TMEM132A: variants seen among roughly 807,000 people sequenced by gnomAD.
TMEM132A encodes the protein GRP78-binding protein.
In TMEM132A, 48 loss-of-function variants were observed where a neutral mutation model predicts 69.9. That is an observed-to-expected ratio of 0.69 (90% CI 0.55 to 0.87). The LOEUF (loss-of-function observed/expected upper bound fraction) is 0.87, where lower values mean the gene tolerates loss of function less well. Ranked by LOEUF, TMEM132A falls within the 40% of genes least tolerant of loss-of-function variation. The pLI, the probability that TMEM132A is intolerant of heterozygous loss-of-function variation, is 0.00. For synonymous variants in TMEM132A, 577 were observed against 613.7 expected (o/e 0.94, Z 0.88); for missense variants, 1,287 against 1,407.2 (o/e 0.91, Z 1.37).
intron 3 of TMEM132A, 105 bp from the exon 4 acceptor site, chr11:60,928,524 T>C: frequency 8.9e-7 from 1 of 1,119,684 alleles, no homozygotes; most frequent in Non-Finnish European, 1.3e-6. Context: ...GGGCCTCCCT[T>C]TCATGAGCCC....
At position 60,934,592 on chromosome 11, in the gene TMEM132A, C is replaced by T. The variant is rs764720498; in HGVS notation, c.1664C>T (p.Ala555Val). Residue 555 changes from alanine to valine, a missense_variant, in exon 9 of 11, where the codon GCG (alanine) becomes GTG (valine). Transcript: ENST00000453848. ...GGTGTGCGCTTCCTCGCCCCCTTCG[C>T]GGCCCACCCGCTGGACGGCGGCCGC... is the stretch of plus-strand genomic sequence containing the variant. ...RAGVRFLAPF[A>V]AHPLDGGRRL... is the part of the protein sequence containing the mutation. 5.9e-5 allele frequency: 92 copies of T among 1,564,860 alleles called. No homozygotes were observed. The highest frequency in any genetic ancestry group is 7.3e-5 in the Non-Finnish European group (85 of 1,164,320).
In TMEM132A at chr11:60,934,747, G is replaced by T. The variant is rs1335624739; in HGVS notation, c.1819G>T (p.Gly607Cys). 2 of 1,603,344 alleles carry T rather than the reference G, an allele frequency of 1.2e-6. No individual in the cohort carries two copies. The highest frequency in any genetic ancestry group is 1.7e-6 in the Non-Finnish European group (2 of 1,175,306). Residue 607 changes from glycine to cysteine, a missense_variant, in exon 9 of 11, where the codon GGT (glycine) becomes TGT (cysteine). Gly to Cys is a radical substitution (Grantham distance 159). Transcript: ENST00000453848. Reference protein sequence around the residue: ...GGRVVVGREPGVTSIEVRSPL... With the variant: ...GGRVVVGREPCVTSIEVRSPL... ...CCGTGTCGTGGTGGGCCGGGAGCCC[G>T]GTGTCACCTCCATTGAGGTAAGCAG...
chr11:60,929,686 G>T (rs960383273), intron 4 of TMEM132A, among the ~76,000 whole-genome samples: 2 of 152,200 alleles, frequency 1.3e-5, no homozygotes, highest in African/African-American at 4.8e-5. Context: ...GAGGATCGAA[G>T]AGCGGTCTGT....
At position 60,936,639 on chromosome 11, in the gene TMEM132A, C is replaced by T. The variant is rs776682204; in HGVS notation, c.2804C>T (p.Thr935Ile). 3.2e-6 allele frequency: 5 copies of T among 1,555,402 alleles called. No homozygotes were observed. Among genetic ancestry groups the T allele is most frequent in the African/African-American group, 2.7e-5 (2 of 73,140 alleles). Reference sequence around the variant, plus strand: ...AGTGGGGGAGGAGGGGAGGCCCCTACCCTGGCCCCTGGCCCTCCTGGGGGC... The same window carrying T: ...AGTGGGGGAGGAGGGGAGGCCCCTATCCTGGCCCCTGGCCCTCCTGGGGGC... The part of the protein sequence containing the change: ...CESGGGGEAP[T>I]LAPGPPGGTT... The change falls in exon 11 of 11, where the codon ACC (threonine) becomes ATC (isoleucine). Residue 935 changes from threonine (T) to isoleucine (I), a missense_variant. Thr to Ile is a moderately conservative substitution (Grantham distance 89). Coordinates refer to ENST00000453848, the MANE Select transcript of TMEM132A (RefSeq NM_178031.3).
Position 60,928,693 on chromosome 11 carries a change from C to T in TMEM132A, c.599C>T (p.Thr200Ile). ...LPSHWFSQAS[T>I]TRAELAYTLE... ...TCGCACTGGTTCTCACAGGCCTCCA[C>T]CACACGGGCCGAGCTGGCCTACACG... The change falls in exon 4 of 11, where the codon ACC becomes ATC. Residue 200 changes from threonine to isoleucine, a missense_variant. By Grantham distance (89) the Thr-to-Ile change is moderately conservative. Transcript: ENST00000453848. The T allele has an allele frequency of 6.2e-7, 1 of 1,611,052 alleles. No homozygotes were observed. The highest frequency in any genetic ancestry group is 8.5e-7 in the Non-Finnish European group (1 of 1,179,792).
At position 60,936,186 on chromosome 11, in the gene TMEM132A, C is replaced by T; in HGVS notation, c.2351C>T (p.Pro784Leu). 1 of 1,614,002 alleles carries T rather than the reference C, an allele frequency of 6.2e-7. No homozygotes were observed. Among genetic ancestry groups the T allele is most frequent in the South Asian group, 1.1e-5 (1 of 91,082 alleles). ...CTCCCATCCAGCCCTGCTTGGAGCC[C>T]ACCAGCCACAGAAGCCACCATGGGT... ...PALPSSPAWSPPATEATMGGK... is the reference protein window; with the variant it reads ...PALPSSPAWSLPATEATMGGK... Residue 784 changes from proline (P) to leucine (L), a missense_variant, in exon 11 of 11, where the codon CCA becomes CTA. By Grantham distance (98) the Pro-to-Leu change is moderately conservative. Coordinates refer to ENST00000453848, the MANE Select transcript of TMEM132A (RefSeq NM_178031.3).
In TMEM132A at chr11:60,935,163, C is replaced by A; in HGVS notation, c.1837-89C>A. ...ACCTCCCCCACCTCCGGAGGGCAGC[C>A]CGTGAGGGTGCTGGGAGCACCCGGT... On this transcript the variant is annotated intron_variant, in intron 9 of 10. Transcript: ENST00000453848. The surrounding 1 kb of genome is among the most constrained non-coding windows in gnomAD (Gnocchi z 5.0). 1 of 1,307,088 alleles carries A rather than the reference C, an allele frequency of 7.7e-7. No individual in the cohort carries two copies. The highest frequency in any genetic ancestry group is 1.5e-5 in the African/African-American group (1 of 68,348). The allele number at this position is 1,307,088 out of a possible 1,614,324, so 81.0% of individuals were successfully genotyped here. A position where few individuals can be genotyped will look rare whatever the true frequency, so the allele number is the denominator to read the frequency against.
intron 1 of TMEM132A, chr11:60,925,320 G>A (rs1294706185): frequency 6.5e-6 from 1 of 152,718 alleles, no homozygotes; most frequent in Non-Finnish European, 1.5e-5. Flanking sequence ...CTTCGGGGTG[G>A]GGGTCGGACT....
intron 8 of TMEM132A, chr11:60,933,954 C>CGA: frequency 3.4e-6 from 2 of 584,028 alleles, no homozygotes; most frequent in Non-Finnish European, 6.1e-6. Context: ...TCCTTCCCTG[C>CGA]CTCACTTCTC....
chr11:60,934,009 G>A, intron 8 of TMEM132A: 2 of 524,782 alleles, frequency 3.8e-6, no homozygotes, highest in Non-Finnish European at 6.7e-6. Context: ...ACTGGTTAAT[G>A]TTGCCTGTCC....
intron 7 of TMEM132A, 176 bp downstream of exon 7, chr11:60,932,303 G>C: frequency 2.7e-6 from 2 of 734,882 alleles, no homozygotes; most frequent in Non-Finnish European, 4.0e-6. Context: ...CCTCTCTCCC[G>C]AGTCAAGTAA....
In TMEM132A at chr11:60,928,954, C is replaced by A; in HGVS notation, c.860C>A (p.Thr287Asn). Residue 287 changes from threonine (T) to asparagine (N), a missense_variant, in exon 4 of 11, where the codon ACC becomes AAC. By Grantham distance (65) the Thr-to-Asn change is moderately conservative. Transcript: ENST00000453848. ...LRHNFTASLLTLRIKVKKGLH... is the reference protein window; with the variant it reads ...LRHNFTASLLNLRIKVKKGLH... ...CACAACTTCACAGCCAGCCTCCTGA[C>A]CCTGCGGTGAGCACCAGGCCACGGG... is the stretch of plus-strand genomic sequence containing the variant. 1 of 1,612,250 alleles carries A rather than the reference C, an allele frequency of 6.2e-7. No individual in the cohort carries two copies. Among genetic ancestry groups the A allele is most frequent in the Non-Finnish European group, 8.5e-7 (1 of 1,180,010 alleles).
chr11:60,931,752 C>T lies in TMEM132A; in HGVS notation c.1080C>T (p.Gly360=), dbSNP rs746985632. ...DFVVENSTGG[G]VAVTRPVTWQ... ...TGGTGGAGAATAGCACTGGTGGGGG[C>T]GTAGCGGTCACTCGCCCCGTCACGT... The change falls in exon 6 of 11, where the codon GGC becomes GGT. Residue 360 remains glycine, a synonymous_variant. Transcript: ENST00000453848. 2.4e-5 allele frequency: 39 copies of T among 1,614,146 alleles called. No homozygotes were observed. Among genetic ancestry groups the T allele is most frequent in the Non-Finnish European group, 3.1e-5 (37 of 1,180,024 alleles).
chr11:60,927,467 G>A (rs1856371887), intron 2 of TMEM132A, 49 bp downstream of exon 2: 1 of 1,544,848 alleles, frequency 6.5e-7, no homozygotes, highest in East Asian at 2.3e-5. Context: ...CTCAGGGCCT[G>A]AGGTCTGCTG....
Position 60,928,966 on chromosome 11 carries a change from C to G in TMEM132A, c.866+6C>G. 6.2e-7 allele frequency: 1 copy of G among 1,611,684 alleles called. No homozygotes were observed. Among genetic ancestry groups the G allele is most frequent in the Non-Finnish European group, 8.5e-7 (1 of 1,179,960 alleles). On this transcript the variant is annotated splice_donor_region_variant and intron_variant, in intron 4 of 10. Transcript: ENST00000453848. ...GCCAGCCTCCTGACCCTGCGGTGAGCACCAGGCCACGGGGATGGGTGAGGG... is the reference window on the plus strand; with the variant it reads ...GCCAGCCTCCTGACCCTGCGGTGAGGACCAGGCCACGGGGATGGGTGAGGG...
rs748468564 is a variant in TMEM132A, at chr11:60,928,952, G to C, written c.858G>C (p.Leu286=). 1.1e-5 allele frequency: 17 copies of C among 1,612,100 alleles called. No homozygotes were observed. The South Asian group carries it at 1.4e-4, about 14-fold the overall frequency. Residue 286 remains leucine (L), a synonymous_variant, in exon 4 of 11, where the codon CTG becomes CTC. Transcript: ENST00000453848. ...LLRHNFTASL[L]TLRIKVKKGL... is the part of the protein sequence containing the mutation. ...GGCACAACTTCACAGCCAGCCTCCTGACCCTGCGGTGAGCACCAGGCCACG... is the reference window on the plus strand; with the variant it reads ...GGCACAACTTCACAGCCAGCCTCCTCACCCTGCGGTGAGCACCAGGCCACG...
chr11:60,934,557 C>A lies in TMEM132A; in HGVS notation c.1629C>A (p.Tyr543Ter). The stretch of plus-strand genomic sequence containing the variant: ...GCGCCCGTGGCTGCCACCTGCAGTA[C>A]CAGCGGGCCGGTGTGCGCTTCCTCG... ...ERRARGCHLQ[Y>*]QRAGVRFLAP... The change falls in exon 9 of 11, where the codon TAC (tyrosine) becomes TAA (stop). Residue 543 changes from tyrosine (Y) to a stop codon, truncating the protein, a stop_gained. Transcript: ENST00000453848. LOFTEE classifies it high-confidence loss of function. 6.6e-7 allele frequency: 1 copy of A among 1,521,674 alleles called. No homozygotes were observed. The highest frequency in any genetic ancestry group is 8.8e-7 in the Non-Finnish European group (1 of 1,142,836). The allele number at this position is 1,521,674 out of a possible 1,614,324, so 94.3% of individuals were successfully genotyped here.
rs1320764931 is a variant in TMEM132A at position 60,927,731 on chromosome 11, G to A, written c.406G>A (p.Glu136Lys). Reference protein sequence around the residue: ...VSVEAAVTPAEPYARVLFHLK... With the variant: ...VSVEAAVTPAKPYARVLFHLK... ...AGTGGAAGCGGCTGTGACTCCAGCA[G>A]AGCCCTACGCCCGGGTTCTCTTCCA... Residue 136 changes from glutamate (E) to lysine (K), a missense_variant, in exon 3 of 11, where the codon GAG becomes AAG. By Grantham distance (56) the Glu-to-Lys change is moderately conservative. Transcript: ENST00000453848. 1.2e-6 allele frequency: 2 copies of A among 1,613,610 alleles called. No individual in the cohort carries two copies. The highest frequency in any genetic ancestry group is 1.7e-6 in the Non-Finnish European group (2 of 1,180,038).
intron 8 of TMEM132A, chr11:60,934,085 G>A (rs1178331622): frequency 1.2e-5 from 5 of 400,306 alleles, no homozygotes; most frequent in Non-Finnish European, 2.2e-5. Context: ...TATGCTGGTC[G>A]TACCCTCAGA....
Sources: gnomAD v4.1 joint callset for allele counts (sites outside exome capture counted in the v4.1 genomes callset) on GRCh38, gnomAD v4.1.1 for gene constraint, Gnocchi (gnomAD v3.1) non-coding constraint, MANE v1.5 for transcripts, NCBI Gene and HGNC (gene_info 2026-07-23, HGNC 2026-07-21) for gene names.